The following CDKAL1 variants were observed in gnomAD, a reference collection of about 807,000 sequenced individuals.
The protein encoded by CDKAL1 is threonylcarbamoyladenosine tRNA methylthiotransferase.
A neutral mutation model predicts 68.2 loss-of-function variants in CDKAL1; 32 were observed. The ratio of observed to expected loss-of-function variants is 0.47; its 90% CI spans 0.35 to 0.63. The LOEUF (loss-of-function observed/expected upper bound fraction) is 0.63. Among genes scored for constraint, CDKAL1 ranks in the 30% least tolerant of loss-of-function variants. The probability of loss-of-function intolerance (pLI) is 0.00; values close to 1 mark genes in which losing one functional copy is unlikely to be tolerated. For synonymous variants in CDKAL1, 234 were observed against 244.3 expected (o/e 0.96, Z 0.39); for missense variants, 606 against 696.7 (o/e 0.87, Z 1.47).
At chr6:21,022,366 AAATT>A (rs1258371834) in intron 11 of CDKAL1, among the ~76,000 whole-genome samples, 1 of 152,192 alleles carries the variant, frequency 6.6e-6, no homozygotes, top group Non-Finnish European at 1.5e-5. Context: ...TGCAGGGGGT[AAATT>A]ATCTTCAAAA....
rs200494660 is a variant in CDKAL1, at chr6:20,645,729, C to CAAAT, written c.287-3540_287-3537dup. ...CTGGTGACAGAGTGAGACTCTGTCT[C>CAAAT]AAATAAATAAATAAATAAATAAATA... On this transcript the variant is annotated intron_variant, in intron 4 of 15. Transcript: ENST00000274695. Among the ~76,000 whole-genome samples, 137 of 148,840 alleles carry CAAAT rather than the reference C, an allele frequency of 9.2e-4. 2 individuals are homozygous for CAAAT. The highest frequency in any genetic ancestry group is 3.9e-3 in the East Asian group (20 of 5,096).
At chr6:20,535,896 A>G (rs753021153) in intron 2 of CDKAL1, among the ~76,000 whole-genome samples, 1 of 152,136 alleles carries the variant, frequency 6.6e-6, no homozygotes, top group Non-Finnish European at 1.5e-5. Context: ...CTGATGGCTC[A>G]TGATGTTGAC....
At chr6:20,732,131 G>C (rs1011028890) in intron 5 of CDKAL1, among the ~76,000 whole-genome samples, 2 of 151,846 alleles carry the variant, frequency 1.3e-5, no homozygotes, top group African/African-American at 2.4e-5. Flanking sequence ...CTGCAGCCTC[G>C]ACCTTCTGGG....
chr6:20,800,289 A>T (rs923388444), intron 8 of CDKAL1, among the ~76,000 whole-genome samples: 2 of 152,254 alleles, frequency 1.3e-5, no homozygotes, highest in Non-Finnish European at 2.9e-5. Context: ...CTCTGGGTAC[A>T]TGCAAAAGCA....
chr6:20,549,595 TTTA>T (rs1456306420), intron 4 of CDKAL1, among the ~76,000 whole-genome samples: 2 of 149,466 alleles, frequency 1.3e-5, no homozygotes, highest in African/African-American at 4.9e-5. Flanking sequence ...TATTTATTTA[TTTA>T]TTTATTTATT....
chr6:20,685,578 G>T (rs1047806084), intron 5 of CDKAL1, among the ~76,000 whole-genome samples: 52 of 152,264 alleles, frequency 3.4e-4, no homozygotes, highest in African/African-American at 1.1e-3. Context: ...TGAATCTATA[G>T]ATCAAGTTGG....
chr6:20,968,314 A>G (rs1465878429), intron 10 of CDKAL1, among the ~76,000 whole-genome samples: 3 of 151,466 alleles, frequency 2.0e-5, no homozygotes, highest in Admixed American at 6.6e-5. Context: ...GTGTGCCACC[A>G]CACCCAGCTA....
chr6:20,667,219 T>G (rs1769590889), intron 5 of CDKAL1, among the ~76,000 whole-genome samples: 1 of 152,170 alleles, frequency 6.6e-6, no homozygotes, highest in African/African-American at 2.4e-5. Context: ...GTTCATTAAT[T>G]TGACAAATAT....
At chr6:20,898,191 T>G (rs540116707) in intron 9 of CDKAL1, among the ~76,000 whole-genome samples, 1 of 152,132 alleles carries the variant, frequency 6.6e-6, no homozygotes, top group South Asian at 2.1e-4. Flanking sequence ...TTTCATTTGC[T>G]TCCTTTTACC....
Position 21,231,104 on chromosome 6 carries a change from G to T in CDKAL1, c.*65G>T. ...TCTAATTAAAATCTTCAATGAACAG[G>T]AAAGCGACATCTCCATTCTCCAAGG... On this transcript the variant is annotated 3_prime_UTR_variant, in exon 16 of 16. Transcript: ENST00000274695. The T allele has an allele frequency of 3.1e-6, 4 of 1,282,390 alleles. No homozygotes were observed. Among genetic ancestry groups the T allele is most frequent in the Non-Finnish European group, 4.3e-6 (4 of 920,892 alleles). 79.4% of individuals were successfully genotyped at this position (1,282,390 alleles called of 1,614,324 possible).
chr6:20,862,371 A>G (rs1241713964), intron 9 of CDKAL1, among the ~76,000 whole-genome samples: 1 of 152,178 alleles, frequency 6.6e-6, no homozygotes, highest in Non-Finnish European at 1.5e-5. Context: ...TAGCTCTGTG[A>G]CCTTAAGAAA....
chr6:20,544,595 CAAAAAAAAAAAAAAAAA>C (rs747920604), intron 2 of CDKAL1, among the ~76,000 whole-genome samples: 1 of 56,720 alleles, frequency 1.8e-5, no homozygotes, highest in Non-Finnish European at 3.3e-5. Flanking sequence ...AACTCCGTCT[CAAAAAAAAAAAAAAAAA>C]AAAAAAAAAT....
intron 9 of CDKAL1, among the ~76,000 whole-genome samples, chr6:20,878,597 C>G (rs888348868): frequency 6.7e-6 from 1 of 149,502 alleles, no homozygotes; most frequent in Non-Finnish European, 1.5e-5. Flanking sequence ...AAAAATTAGC[C>G]GGGTGTGGTG....
intron 5 of CDKAL1, among the ~76,000 whole-genome samples, chr6:20,717,138 G>T (rs1310168381): frequency 2.0e-5 from 3 of 151,966 alleles, no homozygotes; most frequent in African/African-American, 7.3e-5. Flanking sequence ...ATTTGAGTGG[G>T]TTTTAAACAG....
At chr6:20,779,309 A>G (rs776036375) in intron 7 of CDKAL1, among the ~76,000 whole-genome samples, 3 of 152,242 alleles carry the variant, frequency 2.0e-5, no homozygotes, top group Non-Finnish European at 4.4e-5. Context: ...GAAATAAAAC[A>G]TATGTCCATA....
At chr6:20,910,035 A>G (rs1265080731) in intron 9 of CDKAL1, among the ~76,000 whole-genome samples, 1 of 152,170 alleles carries the variant, frequency 6.6e-6, no homozygotes, top group African/African-American at 2.4e-5. Flanking sequence ...GCATTTGTTA[A>G]TCCCAGCAGT....
chr6:20,580,342 C>T (rs987445202), intron 4 of CDKAL1, among the ~76,000 whole-genome samples: 1 of 152,064 alleles, frequency 6.6e-6, no homozygotes, highest in South Asian at 2.1e-4. Flanking sequence ...TGTGTGTAGG[C>T]GTTAGCTGCT....
chr6:20,974,978 CAAAAAAAAAAAAAA>C (rs11330322), intron 10 of CDKAL1, among the ~76,000 whole-genome samples: 1 of 62,914 alleles, frequency 1.6e-5, no homozygotes, highest in South Asian at 6.2e-4. Flanking sequence ...GACCCTATCT[CAAAAAAAAAAAAAA>C]AAAAAAAAAG....
chr6:21,120,958 T>C (rs1774680547), intron 13 of CDKAL1, among the ~76,000 whole-genome samples: 1 of 152,194 alleles, frequency 6.6e-6, no homozygotes, highest in Non-Finnish European at 1.5e-5. Flanking sequence ...AACTGTCACC[T>C]GTAGGATAAA....
Sources: allele counts gnomAD v4.1 joint callset (sites outside exome capture counted in the v4.1 genomes callset), GRCh38; gene constraint gnomAD v4.1.1; transcripts MANE v1.5; gene names NCBI Gene and HGNC (gene_info 2026-07-23, HGNC 2026-07-21).